The following MREG variants were observed in gnomAD, a reference collection of about 807,000 sequenced individuals.
MREG encodes the protein dilute suppressor protein homolog.
In MREG, 31 loss-of-function variants were observed where a neutral mutation model predicts 28.5. The ratio of observed to expected loss-of-function variants is 1.09; its 90% confidence interval spans 0.82 to 1.47. The LOEUF is 1.47. MREG is among the 40% of genes most tolerant of loss of function. The pLI is 0.00. For synonymous variants in MREG, 106 were observed against 95.2 expected (o/e 1.11, Z -0.66); for missense variants, 256 against 257.4 (o/e 0.99, Z 0.04).
At chr2:216,032,255 G>C (rs7586341) in intron 1 of MREG, among the ~76,000 whole-genome samples, 7,392 of 152,262 alleles carry the variant, frequency 0.049, 543 homozygotes, top group African/African-American at 0.16. Context: ...TCAGTCCAGA[G>C]AAATGAAAAC....
chr2:216,013,131 A>C, intron 1 of MREG, 102 bp downstream of exon 1: 1 of 1,031,608 alleles, frequency 9.7e-7, no homozygotes. Flanking sequence ...CCCTTCCAGC[A>C]AGCCCACCTC....
chr2:215,944,952 C>T lies in MREG; in HGVS notation c.556G>A (p.Ala186Thr), dbSNP rs1490225474. 1.2e-6 allele frequency: 2 copies of T among 1,607,452 alleles called. No individual in the cohort carries two copies. The highest frequency in any genetic ancestry group is 1.7e-6 in the Non-Finnish European group (2 of 1,174,722). The change falls in exon 5 of 5, where the codon GCT becomes ACT. Residue 186 changes from alanine to threonine, a missense_variant. Coordinates refer to ENST00000263268, the MANE Select transcript of MREG (RefSeq NM_018000.3). ...LDAAEEFFKL[A>T]RRTYPKKPGV... ...GGCTTCTTGGGGTAAGTTCGACGAGCAAGCTTAAAGAACTCTTCTGCAGCA... is the reference window on the plus strand; with the variant it reads ...GGCTTCTTGGGGTAAGTTCGACGAGTAAGCTTAAAGAACTCTTCTGCAGCA...
intron 2 of MREG, among the ~76,000 whole-genome samples, chr2:215,972,205 G>A (rs1165729376): frequency 5.3e-5 from 8 of 152,176 alleles, no homozygotes; most frequent in Non-Finnish European, 2.9e-5. Context: ...CAACTCCAAC[G>A]TGGGAAAGAC....
intron 2 of MREG, among the ~76,000 whole-genome samples, chr2:215,984,885 C>G (rs1249192398): frequency 6.6e-6 from 1 of 152,234 alleles, no homozygotes; most frequent in Non-Finnish European, 1.5e-5. Context: ...CAACAAGACA[C>G]AGAGACAGGC....
chr2:215,994,560 A>T (rs74654882), intron 2 of MREG, among the ~76,000 whole-genome samples: 14 of 45,196 alleles, frequency 3.1e-4, no homozygotes, highest in Non-Finnish European at 4.7e-4. Flanking sequence ...GTATAATTTT[A>T]AAAAAAAAGA....
chr2:215,996,459 G>A lies in MREG; in HGVS notation c.102C>T (p.Asn34=), dbSNP rs775194736. The A allele has an allele frequency of 4.4e-6, 7 of 1,607,516 alleles. No individual in the cohort carries two copies. The highest frequency in any genetic ancestry group is 1.7e-5 in the Admixed American group (1 of 58,436). The change falls in exon 2 of 5, where the codon AAC becomes AAT. Residue 34 remains asparagine, a synonymous_variant. Coordinates refer to ENST00000263268, the MANE Select transcript of MREG (RefSeq NM_018000.3). Reference sequence around the variant, plus strand: ...TTGCTCCAAATGAGGAATATGGATTGTTATCACTGTTGTATAAAAAAAGGA... The same window carrying A: ...TTGCTCCAAATGAGGAATATGGATTATTATCACTGTTGTATAAAAAAAGGA... ...LPEKEPLVSD[N]NPYSSFGATL...
intron 2 of MREG, among the ~76,000 whole-genome samples, chr2:215,986,872 T>C (rs1293597858): frequency 6.6e-6 from 1 of 152,242 alleles, no homozygotes; most frequent in Non-Finnish European, 1.5e-5. Flanking sequence ...ATTAGCAGCA[T>C]GAGAACAGAC....
In MREG at chr2:215,982,142, G is replaced by A. The variant is rs552734587; in HGVS notation, c.255+14164C>T. 7.2e-5 allele frequency among the ~76,000 whole-genome samples: 11 copies of A among 152,182 alleles called. No individual in the cohort carries two copies. The South Asian group carries it at 1.2e-3, about 17-fold the overall frequency. On this transcript the variant is annotated intron_variant, in intron 2 of 4. Transcript: ENST00000263268. ...TCAAGACCAGCCTGACCAACACTGC[G>A]AAACCCTGTCTCTACTGAAAATACA...
chr2:215,962,537 C>T (rs754094910), intron 2 of MREG, among the ~76,000 whole-genome samples: 32 of 152,166 alleles, frequency 2.1e-4, no homozygotes, highest in Non-Finnish European at 3.2e-4. Flanking sequence ...TGACTAAATT[C>T]CTGCCCGTGG....
At chr2:216,000,696 A>G (rs1047445616) in intron 1 of MREG, among the ~76,000 whole-genome samples, 1 of 152,168 alleles carries the variant, frequency 6.6e-6, no homozygotes, top group African/African-American at 2.4e-5. Context: ...GGGTCCTAGG[A>G]CACAGCAGTT....
chr2:215,998,107 C>T (rs951104148), intron 1 of MREG, among the ~76,000 whole-genome samples: 1 of 152,034 alleles, frequency 6.6e-6, no homozygotes, highest in Admixed American at 6.5e-5. Flanking sequence ...GAGTTCAAGA[C>T]CAGCATGGCC....
At chr2:216,031,800 C>T (rs1202593434) in intron 1 of MREG, among the ~76,000 whole-genome samples, 1 of 152,162 alleles carries the variant, frequency 6.6e-6, no homozygotes, top group Non-Finnish European at 1.5e-5. Flanking sequence ...ACAATCAATC[C>T]CATTGAAACT....
upstream of MREG, among the ~76,000 whole-genome samples, chr2:216,014,775 A>T (rs2105927702): frequency 6.6e-6 from 1 of 152,272 alleles, no homozygotes; most frequent in Non-Finnish European, 1.5e-5. Flanking sequence ...TCCCCAAAGA[A>T]ATAATCCGAA....
At chr2:215,957,945 T>A (rs930686727) in intron 2 of MREG, among the ~76,000 whole-genome samples, 1 of 152,094 alleles carries the variant, frequency 6.6e-6, no homozygotes. Context: ...GATGAGCTCA[T>A]GTCCTTTGTA....
Position 215,944,297 on chromosome 2 carries a change from A to G in MREG, c.*566T>C, listed in dbSNP as rs1002655416. ...CCAGCCATTCCTTGTCATTTCTATC[A>G]TTTGATACATCTATACTTCTGAATA... is the stretch of plus-strand genomic sequence containing the variant. On this transcript the variant is annotated 3_prime_UTR_variant, in exon 5 of 5. Transcript: ENST00000263268. 2.0e-5 allele frequency: 3 copies of G among 152,156 alleles called. No individual in the cohort carries two copies. The highest frequency in any genetic ancestry group is 4.4e-5 in the Non-Finnish European group (3 of 68,042). 9.4% of individuals were successfully genotyped at this position (152,156 alleles called of 1,614,324 possible).
At chr2:215,947,210 C>A (rs1388683278) in intron 2 of MREG, 97 bp from the exon 3 acceptor site, 1 of 707,086 alleles carries the variant, frequency 1.4e-6, no homozygotes, top group Non-Finnish European at 2.4e-6. Context: ...TGGCTCTTCT[C>A]TTTTATTAAT....
chr2:215,979,982 A>C (rs1375227979), intron 2 of MREG, among the ~76,000 whole-genome samples: 5 of 142,190 alleles, frequency 3.5e-5, no homozygotes, highest in East Asian at 2.0e-4. Flanking sequence ...AACAAACAAA[A>C]AAAAAAAACA....
At chr2:216,017,965 A>G (rs971122188), upstream of MREG, among the ~76,000 whole-genome samples, 2 of 151,160 alleles carry the variant, frequency 1.3e-5, no homozygotes, top group Non-Finnish European at 2.9e-5. Context: ...AGCCTGGCCA[A>G]CATGGTGAAA....
intron 2 of MREG, among the ~76,000 whole-genome samples, chr2:215,990,628 A>G (rs957174757): frequency 9.2e-5 from 14 of 152,242 alleles, no homozygotes; most frequent in Middle Eastern, 3.2e-3. Context: ...AAGACCCATC[A>G]GTGTGCTATA....
Sources: allele counts gnomAD v4.1 joint callset (sites outside exome capture counted in the v4.1 genomes callset), GRCh38; gene constraint gnomAD v4.1.1; transcripts MANE v1.5; gene names NCBI Gene and HGNC (gene_info 2026-07-23, HGNC 2026-07-21).